The following ANKS1B variants were observed in gnomAD, a reference collection of about 807,000 sequenced individuals.
ANKS1B encodes ankyrin repeat and sterile alpha motif domain-containing protein 1B.
Under a neutral mutation model 148.3 loss-of-function variants are expected in ANKS1B, and 36 were observed. The observed-to-expected ratio is 0.24, with a 90% CI of 0.19 to 0.32. The LOEUF (loss-of-function observed/expected upper bound fraction) is 0.32, where lower values mean the gene tolerates loss of function less well. Ranked by LOEUF, ANKS1B falls within the 10% of genes least tolerant of loss-of-function variation. The probability of loss-of-function intolerance (pLI) is 1.00; values close to 1 mark genes in which losing one functional copy is unlikely to be tolerated. For missense variants in ANKS1B, 1,157 were observed against 1,542.6 expected, an observed-to-expected ratio of 0.75 and a Z score of 4.19; for synonymous variants, 542 against 560.8, an observed-to-expected ratio of 0.97 and a Z score of 0.47.
intron 22 of ANKS1B, among the ~76,000 whole-genome samples, chr12:98,791,188 T>C (rs948652200): frequency 6.6e-6 from 1 of 151,874 alleles, no homozygotes; most frequent in African/African-American, 2.4e-5. Flanking sequence ...CTACTAAAAA[T>C]ACAAAAATTA....
chr12:99,903,410 T>A (rs1279858863), intron 1 of ANKS1B, among the ~76,000 whole-genome samples: 1 of 151,986 alleles, frequency 6.6e-6, no homozygotes, highest in Non-Finnish European at 1.5e-5. Flanking sequence ...CCTGTAAGAG[T>A]CCAGGGATGC....
At chr12:99,777,698 C>T (rs559444386) in intron 6 of ANKS1B, among the ~76,000 whole-genome samples, 1 of 152,144 alleles carries the variant, frequency 6.6e-6, no homozygotes, top group South Asian at 2.1e-4. Context: ...CATTCTCCTG[C>T]CTCAGCCTCC....
chr12:99,049,306 G>GCA (rs148702495), intron 17 of ANKS1B, among the ~76,000 whole-genome samples: 49 of 148,322 alleles, frequency 3.3e-4, no homozygotes, highest in African/African-American at 5.0e-4. Context: ...ATGTACACAC[G>GCA]CACACACACA....
intron 1 of ANKS1B, among the ~76,000 whole-genome samples, chr12:99,981,357 C>T (rs2095700042): frequency 6.6e-6 from 1 of 152,050 alleles, no homozygotes; most frequent in Admixed American, 6.5e-5. Context: ...TTCCCCATTA[C>T]ATAGTTACTG....
intron 17 of ANKS1B, among the ~76,000 whole-genome samples, chr12:98,937,563 A>G (rs899288984): frequency 1.3e-5 from 2 of 151,968 alleles, no homozygotes; most frequent in African/African-American, 2.4e-5. Flanking sequence ...TTGAAAGACT[A>G]ATTTCTCAAG....
chr12:98,796,184 A>T (rs890076352), intron 22 of ANKS1B, among the ~76,000 whole-genome samples: 6 of 152,202 alleles, frequency 3.9e-5, no homozygotes, highest in Admixed American at 2.0e-4. Flanking sequence ...AACAAAGTAC[A>T]TTTAAGGAAA....
At chr12:99,362,708 C>A (rs1397857519) in intron 12 of ANKS1B, among the ~76,000 whole-genome samples, 1 of 151,864 alleles carries the variant, frequency 6.6e-6, no homozygotes, top group Non-Finnish European at 1.5e-5. Context: ...ATGTATTTTA[C>A]CTGCAAAGTT....
chr12:99,698,339 C>T (rs1399713372), intron 8 of ANKS1B, among the ~76,000 whole-genome samples: 1 of 152,070 alleles, frequency 6.6e-6, no homozygotes, highest in African/African-American at 2.4e-5. Flanking sequence ...TTGAATTTCA[C>T]TTGGTAAATT....
chr12:99,930,171 C>T (rs2094577263), intron 1 of ANKS1B, among the ~76,000 whole-genome samples: 2 of 151,398 alleles, frequency 1.3e-5, no homozygotes, highest in Middle Eastern at 3.4e-3. Context: ...TCTTTTATTT[C>T]GTTGAGCAGT....
chr12:98,968,861 C>T (rs138357121), intron 17 of ANKS1B, among the ~76,000 whole-genome samples: 14 of 152,250 alleles, frequency 9.2e-5, no homozygotes, highest in Admixed American at 1.3e-4. Context: ...ATGATTAAAA[C>T]TGAACTTTGC....
intron 8 of ANKS1B, among the ~76,000 whole-genome samples, chr12:99,739,778 A>C (rs1253957364): frequency 6.6e-6 from 1 of 152,106 alleles, no homozygotes; most frequent in Non-Finnish European, 1.5e-5. Context: ...TTGATGGCTA[A>C]CTGTTCCACC....
At chr12:99,303,132 A>G (rs1473322884) in intron 12 of ANKS1B, among the ~76,000 whole-genome samples, 2 of 152,164 alleles carry the variant, frequency 1.3e-5, no homozygotes, top group African/African-American at 4.8e-5. Context: ...TAAGACAGCC[A>G]TGTGATTAGA....
chr12:99,686,659 G>A (rs914697151), intron 8 of ANKS1B, among the ~76,000 whole-genome samples: 6 of 152,038 alleles, frequency 3.9e-5, no homozygotes, highest in Non-Finnish European at 5.9e-5. Context: ...ACATGTAAGG[G>A]TTCATTTACA....
intron 4 of ANKS1B, among the ~76,000 whole-genome samples, chr12:99,801,305 C>A (rs112089883): frequency 2.0e-5 from 3 of 152,246 alleles, no homozygotes; most frequent in African/African-American, 7.2e-5. Context: ...AAACATACTT[C>A]CCCCAGCTTC....
intron 17 of ANKS1B, among the ~76,000 whole-genome samples, chr12:98,881,910 T>C (rs1426085101): frequency 3.3e-5 from 5 of 152,146 alleles, no homozygotes; most frequent in Non-Finnish European, 5.9e-5. Context: ...CACATGTTTC[T>C]TGGCATATAT....
chr12:99,858,076 A>G (rs922679802), intron 1 of ANKS1B, among the ~76,000 whole-genome samples: 1 of 152,262 alleles, frequency 6.6e-6, no homozygotes, highest in Non-Finnish European at 1.5e-5. Context: ...AGCAAAAAAG[A>G]TAATCATCAG....
intron 1 of ANKS1B, among the ~76,000 whole-genome samples, chr12:99,976,287 A>C (rs2095627909): frequency 6.6e-6 from 1 of 152,234 alleles, no homozygotes; most frequent in Non-Finnish European, 1.5e-5. Context: ...CCTCAGTGTC[A>C]TGCAATATTT....
At chr12:99,588,104 A>C (rs2097662472) in intron 9 of ANKS1B, among the ~76,000 whole-genome samples, 1 of 152,176 alleles carries the variant, frequency 6.6e-6, no homozygotes, top group Non-Finnish European at 1.5e-5. Context: ...AAGTTAATAC[A>C]GAAGAACAAA....
intron 9 of ANKS1B, among the ~76,000 whole-genome samples, chr12:99,574,980 A>T (rs1218570763): frequency 6.6e-6 from 1 of 152,140 alleles, no homozygotes; most frequent in Non-Finnish European, 1.5e-5. Flanking sequence ...CAATAAAATT[A>T]TCTTTATTGA....
Sources: allele counts gnomAD v4.1 joint callset (sites outside exome capture counted in the v4.1 genomes callset), GRCh38; gene constraint gnomAD v4.1.1; transcripts MANE v1.5; gene names NCBI Gene and HGNC (gene_info 2026-07-23, HGNC 2026-07-21).